Variants in ZNF667 observed in about 807,000 individuals in gnomAD.
ZNF667 encodes the protein myocardial ischemic preconditioning upregulated 1 ortholog.
ZNF667 carries 13 observed loss-of-function variants against 31.8 expected under a neutral mutation model. The observed-to-expected ratio is 0.41, with a 90% CI of 0.27 to 0.65. ZNF667 has a LOEUF of 0.65. ZNF667 is among the 30% of genes least tolerant of loss of function. The pLI, the probability that ZNF667 is intolerant of heterozygous loss-of-function variation, is 0.32. For missense variants in ZNF667, 642 were observed against 725.6 expected, an observed-to-expected ratio of 0.88 and a Z score of 1.32; for synonymous variants, 228 against 247.1, an observed-to-expected ratio of 0.92 and a Z score of 0.73.
At chr19:56,442,896 A>G (rs1214815982) in intron 6 of ZNF667, 155 bp from the exon 7 acceptor site, 2 of 1,024,292 alleles carry the variant, frequency 2.0e-6, no homozygotes, top group African/African-American at 1.6e-5. Flanking sequence ...TGATGACTAT[A>G]CTAAAGGCTT....
intron 6 of ZNF667, among the ~76,000 whole-genome samples, chr19:56,447,836 G>A (rs988825907): frequency 6.6e-6 from 1 of 152,070 alleles, no homozygotes; most frequent in Non-Finnish European, 1.5e-5. Flanking sequence ...AGCTGAGATG[G>A]TGCCACTGCA....
chr19:56,457,888 A>G lies in ZNF667; in HGVS notation c.253+267T>C, dbSNP rs560481847. ...CGAAGGTGGAGCCCTCATGAATGAG[A>G]TATCATCTATAATCACCTATAATCT... On this transcript the variant is annotated intron_variant, in intron 6 of 6. Coordinates refer to ENST00000504904, the MANE Select transcript of ZNF667 (RefSeq NM_001321356.2). 2.6e-5 allele frequency among the ~76,000 whole-genome samples: 4 copies of G among 152,190 alleles called. No individual in the cohort carries two copies. In the South Asian group the frequency reaches 8.3e-4, roughly 32 times the overall value.
rs573937288 is a variant in ZNF667 at position 56,469,599 on chromosome 19, C to T, written c.-60+2100G>A. On this transcript the variant is annotated intron_variant, in intron 3 of 6. Coordinates refer to ENST00000504904, the MANE Select transcript of ZNF667 (RefSeq NM_001321356.2). ...ACAGCCCCACCTCACTTCCTTCAGT[C>T]TGCTCAAACCTCACCTTCTCAGCAA... Among the ~76,000 whole-genome samples, 136 of 152,328 alleles carry T rather than the reference C, an allele frequency of 8.9e-4. 1 individual carries two copies. The highest frequency in any genetic ancestry group is 3.1e-3 in the African/African-American group (127 of 41,578).
In ZNF667 at chr19:56,446,877, C is replaced by T. The variant is rs113666371; in HGVS notation, c.254-4136G>A. Among the ~76,000 whole-genome samples the T allele has an allele frequency of 3.5e-3, 534 of 152,266 alleles. 3 individuals carry two copies. The highest frequency in any genetic ancestry group is 0.012 in the African/African-American group (498 of 41,538). On this transcript the variant is annotated intron_variant, in intron 6 of 6. Coordinates refer to ENST00000504904, the MANE Select transcript of ZNF667 (RefSeq NM_001321356.2). Reference sequence around the variant, plus strand: ...TTCTCCCTCTCACATTTTCCTAAAACTCTTAGCTTCCCTTCCTTTTCCTTT... The same window carrying T: ...TTCTCCCTCTCACATTTTCCTAAAATTCTTAGCTTCCCTTCCTTTTCCTTT...
At chr19:56,465,396 A>G (rs2043137465) in intron 3 of ZNF667, among the ~76,000 whole-genome samples, 1 of 152,258 alleles carries the variant, frequency 6.6e-6, no homozygotes, top group Admixed American at 6.5e-5. Flanking sequence ...CCTATTTAAG[A>G]GAAGCTAGGC....
chr19:56,462,474 G>C lies in ZNF667; in HGVS notation c.-59-45C>G, dbSNP rs555538522. ...CATGAGGCAGTGCCAGAGTCCACAG[G>C]CCCCTACCTAACCTGGAGACACACA... On this transcript the variant is annotated intron_variant, in intron 3 of 6. Transcript: ENST00000504904. 4.7e-6 allele frequency: 6 copies of C among 1,284,582 alleles called. No homozygotes were observed. The East Asian group carries it at 1.4e-4, about 30-fold the overall frequency. 79.6% of individuals were successfully genotyped at this position (1,284,582 alleles called of 1,614,324 possible).
intron 6 of ZNF667, among the ~76,000 whole-genome samples, chr19:56,450,770 T>G (rs1006079485): frequency 6.6e-6 from 1 of 152,194 alleles, no homozygotes; most frequent in Non-Finnish European, 1.5e-5. Context: ...GCTTGTTTGT[T>G]GGTTTGTTTT....
intron 6 of ZNF667, among the ~76,000 whole-genome samples, chr19:56,446,147 A>G (rs75695358): frequency 0.041 from 6,281 of 152,340 alleles, 285 homozygotes; most frequent in African/African-American, 0.12. Flanking sequence ...CTTTAAAGGC[A>G]GACATTACTG....
intron 6 of ZNF667, among the ~76,000 whole-genome samples, chr19:56,443,564 A>G (rs28373215): frequency 0.45 from 68,733 of 152,022 alleles, 16,053 homozygotes; most frequent in Middle Eastern, 0.55. Context: ...ATAAGTATTT[A>G]TGTATCTAAA....
chr19:56,444,357 G>GCCA (rs2042679228), intron 6 of ZNF667: 1 of 396,830 alleles, frequency 2.5e-6, no homozygotes, highest in Non-Finnish European at 4.4e-6. Context: ...TGGAGGAGGT[G>GCCA]CCACATATTA....
chr19:56,459,775 C>T (rs185837868), intron 5 of ZNF667, among the ~76,000 whole-genome samples: 8 of 152,274 alleles, frequency 5.3e-5, no homozygotes, highest in Admixed American at 2.0e-4. Context: ...GGGCAGATCA[C>T]GAGGTCAGGA....
At chr19:56,459,941 G>A (rs1330615536) in intron 5 of ZNF667, among the ~76,000 whole-genome samples, 1 of 152,016 alleles carries the variant, frequency 6.6e-6, no homozygotes, top group Non-Finnish European at 1.5e-5. Flanking sequence ...GCAGTGAGCT[G>A]AGATTGCGCC....
chr19:56,472,072 T>C lies in ZNF667; in HGVS notation c.-433A>G, dbSNP rs1356705974. 1 of 152,346 alleles carries C rather than the reference T, an allele frequency of 6.6e-6. No homozygotes were observed. 9.4% of individuals were successfully genotyped at this position (152,346 alleles called of 1,614,324 possible). ...ACGTGTCTTTCACCTTCCATCACGA[T>C]TGTGAGGCCTCCCCAGCCACGTAGA... On this transcript the variant is annotated 5_prime_UTR_variant, in exon 3 of 7. Transcript: ENST00000504904.
chr19:56,477,132 C>G (rs1220250438), intron 1 of ZNF667, 140 bp downstream of exon 1: 1 of 152,220 alleles, frequency 6.6e-6, no homozygotes, highest in Admixed American at 6.5e-5. Flanking sequence ...GCGAGCCCAC[C>G]GCCCACGCAA....
chr19:56,451,868 C>CAAA (rs71184363), intron 6 of ZNF667, among the ~76,000 whole-genome samples: 1,188 of 80,810 alleles, frequency 0.015, 91 homozygotes, highest in African/African-American at 0.025. Flanking sequence ...GACCCTGTCT[C>CAAA]AAAAAAAAAA....
intron 3 of ZNF667, among the ~76,000 whole-genome samples, chr19:56,464,037 G>T (rs1019610228): frequency 2.0e-5 from 3 of 152,066 alleles, no homozygotes; most frequent in African/African-American, 7.2e-5. Flanking sequence ...TACAGATCAG[G>T]TATCTCCACT....
At chr19:56,474,183 C>G (rs1483808414) in intron 1 of ZNF667, 59 bp from the exon 2 acceptor site, 1 of 152,310 alleles carries the variant, frequency 6.6e-6, no homozygotes, top group African/African-American at 2.4e-5. Context: ...CCTTCTGAGG[C>G]AAATAACTGA....
intron 3 of ZNF667, among the ~76,000 whole-genome samples, chr19:56,465,573 C>T (rs1478488516): frequency 1.3e-5 from 2 of 152,218 alleles, no homozygotes; most frequent in Admixed American, 6.5e-5. Context: ...CCAGTTCTGA[C>T]GCCGTTTTCC....
chr19:56,458,050 C>A, intron 6 of ZNF667, 105 bp downstream of exon 6: 1 of 1,016,632 alleles, frequency 9.8e-7, no homozygotes, highest in East Asian at 2.4e-5. Context: ...GCCTCCAGAA[C>A]TGTGAGAAGT....
Sources: gnomAD v4.1 joint callset for allele counts (sites outside exome capture counted in the v4.1 genomes callset) on GRCh38, gnomAD v4.1.1 for gene constraint, MANE v1.5 for transcripts, NCBI Gene and HGNC (gene_info 2026-07-23, HGNC 2026-07-21) for gene names.